The following FSIP2 variants were observed in gnomAD, a reference collection of about 807,000 sequenced individuals.
FSIP2 encodes fibrous sheath-interacting protein 2.
A neutral mutation model predicts 510.5 loss-of-function variants in FSIP2; 367 were observed. The ratio of observed to expected loss-of-function variants is 0.72; its 90% CI spans 0.66 to 0.78. The LOEUF is 0.78. Among genes scored for constraint, FSIP2 ranks in the 30% least tolerant of loss-of-function variants. The pLI is 0.00. For missense variants in FSIP2, 7,594 were observed against 7,901.7 expected (o/e 0.96, Z 1.48); for synonymous variants, 2,601 against 2,732.2 (o/e 0.95, Z 1.50).
chr2:185,770,331 GGTT>G (rs1368074736), intron 13 of FSIP2, among the ~76,000 whole-genome samples: 1 of 152,056 alleles, frequency 6.6e-6, no homozygotes, highest in Non-Finnish European at 1.5e-5. Context: ...TTCATTTTCT[GGTT>G]GTTGTGAATC....
At chr2:185,779,797 G>A (rs975103324) in intron 13 of FSIP2, among the ~76,000 whole-genome samples, 1 of 151,936 alleles carries the variant, frequency 6.6e-6, no homozygotes, top group African/African-American at 2.4e-5. Flanking sequence ...CTAAAGTACT[G>A]CATTCTTTAG....
At chr2:185,819,920 A>G (rs1360845324) in intron 19 of FSIP2, among the ~76,000 whole-genome samples, 1 of 151,932 alleles carries the variant, frequency 6.6e-6, no homozygotes, top group African/African-American at 2.4e-5. Flanking sequence ...ACCAAACATC[A>G]GAGCTCCAAA....
At position 185,792,330 on chromosome 2, in the gene FSIP2, T is replaced by C; in HGVS notation, c.5194T>C (p.Tyr1732His). 6.5e-7 allele frequency: 1 copy of C among 1,529,724 alleles called. No individual in the cohort carries two copies. The highest frequency in any genetic ancestry group is 8.7e-7 in the Non-Finnish European group (1 of 1,144,246). 94.8% of individuals were successfully genotyped at this position (1,529,724 alleles called of 1,614,324 possible). ...AGATTCATTTCTAGAAGATGATGCATATACAGCGAAAAAAATTATTGATGA... is the reference window on the plus strand; with the variant it reads ...AGATTCATTTCTAGAAGATGATGCACATACAGCGAAAAAAATTATTGATGA... ...ESDSFLEDDA[Y>H]TAKKIIDERS... The change falls in exon 16 of 23, where the codon TAT (tyrosine) becomes CAT (histidine). Residue 1732 changes from tyrosine to histidine, a missense_variant. Coordinates refer to ENST00000424728, the MANE Select transcript of FSIP2 (RefSeq NM_173651.4).
Position 185,813,591 on chromosome 2 carries a change from C to T in FSIP2, c.19874C>T (p.Thr6625Ile). ...CAGAATATAAGAAAGCCTGATATTA[C>T]AAAGGTGGAGCTCTTAAAAGATGTT... The part of the protein sequence containing the change: ...SFQNIRKPDI[T>I]KVELLKDVQS... The change falls in exon 18 of 23, where the codon ACA becomes ATA. Residue 6625 changes from threonine to isoleucine, a missense_variant. Transcript: ENST00000424728. The T allele has an allele frequency of 4.5e-6, 7 of 1,557,868 alleles. No homozygotes were observed. The highest frequency in any genetic ancestry group is 1.2e-5 in the South Asian group (1 of 82,578).
chr2:185,828,143 TTA>T lies in FSIP2; in HGVS notation c.20474-12_20474-11del. On this transcript the variant is annotated splice_polypyrimidine_tract_variant and intron_variant, in intron 20 of 22. Transcript: ENST00000424728. ...AAGAGACTATTTTACTTTTTTTTTT[TTA>T]ATCTCTACAGAAAGTTCTCAGGAAC... The T allele has an allele frequency of 6.6e-7, 1 of 1,516,476 alleles. No individual in the cohort carries two copies. 93.9% of individuals were successfully genotyped at this position (1,516,476 alleles called of 1,614,324 possible).
Position 185,789,047 on chromosome 2 carries a change from C to A in FSIP2, c.1911C>A (p.Tyr637Ter). The A allele has an allele frequency of 6.5e-7, 1 of 1,534,122 alleles. No individual in the cohort carries two copies. Among genetic ancestry groups the A allele is most frequent in the Non-Finnish European group, 8.7e-7 (1 of 1,145,410 alleles). ...KYNKTNLLYSYPKLRSCKSDS... is the reference protein window; with the variant it reads ...KYNKTNLLYS ...ATAAAACCAACTTGCTATATTCATA[C>A]CCTAAGCTCAGAAGTTGTAAATCAG... The change falls in exon 16 of 23, where the codon TAC becomes TAA. Residue 637 changes from tyrosine to a stop codon, truncating the protein, a stop_gained. Coordinates refer to ENST00000424728, the MANE Select transcript of FSIP2 (RefSeq NM_173651.4). LOFTEE classifies it high-confidence loss of function.
intron 17 of FSIP2, among the ~76,000 whole-genome samples, chr2:185,812,836 T>C (rs1266318286): frequency 6.6e-6 from 1 of 152,114 alleles, no homozygotes; most frequent in Non-Finnish European, 1.5e-5. Flanking sequence ...GTTTATGATA[T>C]TACAAAGGGA....
At chr2:185,782,568 A>ACTT in intron 13 of FSIP2, 137 bp from the exon 14 acceptor site, 1 of 631,788 alleles carries the variant, frequency 1.6e-6, no homozygotes, top group African/African-American at 1.8e-5. Context: ...AGGACTTTGG[A>ACTT]CTTCACTGTG....
rs1165805538 is a variant in FSIP2, at chr2:185,789,907, G to A, written c.2771G>A (p.Arg924Lys). The A allele has an allele frequency of 2.0e-6, 3 of 1,532,384 alleles. No homozygotes were observed. Among genetic ancestry groups the A allele is most frequent in the Non-Finnish European group, 1.7e-6 (2 of 1,144,006 alleles). The allele number at this position is 1,532,384 out of a possible 1,614,324, so 94.9% of individuals were successfully genotyped here. The stretch of plus-strand genomic sequence containing the variant: ...ATACAAACTGAACTAAATAATGAGA[G>A]AATTATTGCATCTGAAGAAACCGTA... ...GYIQTELNNE[R>K]IIASEETVVL... Residue 924 changes from arginine to lysine, a missense_variant, in exon 16 of 23, where the codon AGA becomes AAA. Transcript: ENST00000424728.
chr2:185,764,312 AC>A (rs1362034875), intron 12 of FSIP2, among the ~76,000 whole-genome samples, 189 bp from the exon 13 acceptor site: 1 of 151,788 alleles, frequency 6.6e-6, no homozygotes, highest in East Asian at 1.9e-4. Context: ...ACAACTATGA[AC>A]TTTGAATTCT....
chr2:185,828,523 A>C (rs997888089), intron 21 of FSIP2, among the ~76,000 whole-genome samples: 1 of 151,844 alleles, frequency 6.6e-6, no homozygotes, highest in African/African-American at 2.4e-5. Flanking sequence ...CACTAGAGGG[A>C]GTGAATTACT....
At chr2:185,757,732 T>C (rs1316567803) in intron 9 of FSIP2, among the ~76,000 whole-genome samples, 1 of 151,332 alleles carries the variant, frequency 6.6e-6, no homozygotes, top group Non-Finnish European at 1.5e-5. Flanking sequence ...AATTTCCTGC[T>C]CCAGCTTCTT....
Position 185,815,399 on chromosome 2 carries a change from C to T in FSIP2, c.20354C>T (p.Pro6785Leu). Residue 6785 changes from proline to leucine, a missense_variant, in exon 19 of 23, where the codon CCA becomes CTA. Coordinates refer to ENST00000424728, the MANE Select transcript of FSIP2 (RefSeq NM_173651.4). ...KKEEKNLVTE[P>L]THYFIHRIMS... Reference sequence around the variant, plus strand: ...GAAGAAAAGAATCTTGTTACTGAACCAACACATTACTTCATACACAGAATT... The same window carrying T: ...GAAGAAAAGAATCTTGTTACTGAACTAACACATTACTTCATACACAGAATT... The T allele has an allele frequency of 6.6e-7, 1 of 1,522,118 alleles. No homozygotes were observed. Among genetic ancestry groups the T allele is most frequent in the Non-Finnish European group, 9.0e-7 (1 of 1,109,566 alleles). 94.3% of individuals were successfully genotyped at this position (1,522,118 alleles called of 1,614,324 possible). A position where few individuals can be genotyped will look rare whatever the true frequency, so the allele number is the denominator to read the frequency against.
At position 185,828,168 on chromosome 2, in the gene FSIP2, A is replaced by T. The variant is rs1227270196; in HGVS notation, c.20486A>T (p.Glu6829Val). 6.3e-7 allele frequency: 1 copy of T among 1,581,306 alleles called. No individual in the cohort carries two copies. The highest frequency in any genetic ancestry group is 8.7e-7 in the Non-Finnish European group (1 of 1,151,750). The change falls in exon 21 of 23, where the codon GAA (glutamate) becomes GTA (valine). Residue 6829 changes from glutamate (E) to valine (V), a missense_variant. Transcript: ENST00000424728. The part of the protein sequence containing the change: ...SAKILEESSQ[E>V]QKPEHGNSVK... Reference sequence around the variant, plus strand: ...TTAATCTCTACAGAAAGTTCTCAGGAACAAAAGCCAGAGCATGGAAACAGT... The same window carrying T: ...TTAATCTCTACAGAAAGTTCTCAGGTACAAAAGCCAGAGCATGGAAACAGT...
intron 7 of FSIP2, among the ~76,000 whole-genome samples, chr2:185,751,405 C>T (rs777599041): frequency 4.7e-5 from 7 of 149,212 alleles, no homozygotes; most frequent in Admixed American, 6.7e-5. Flanking sequence ...ACTGTTAGCA[C>T]GGCATATTAT....
At chr2:185,831,043 G>C (rs1014826076) in intron 21 of FSIP2, among the ~76,000 whole-genome samples, 3 of 151,822 alleles carry the variant, frequency 2.0e-5, no homozygotes, top group African/African-American at 7.3e-5. Context: ...TCTTCTTGGA[G>C]GAACTATGGT....
At chr2:185,825,925 A>G (rs1434144534) in intron 20 of FSIP2, among the ~76,000 whole-genome samples, 1 of 151,800 alleles carries the variant, frequency 6.6e-6, no homozygotes, top group Non-Finnish European at 1.5e-5. Context: ...GTTTTGGTCA[A>G]TGATGGACCA....
In FSIP2 at chr2:185,803,134, A is replaced by C. The variant is rs187035619; in HGVS notation, c.13828A>C (p.Arg4610=). ...AGACACATATTTTGATGATGAGAGA[A>C]GGCAGTTATTTTATACCAGTGTTTA... ...SSDTYFDDER[R]QLFYTSVYSS... The change falls in exon 17 of 23, where the codon AGG becomes CGG. Residue 4610 remains arginine (R), a synonymous_variant. Coordinates refer to ENST00000424728, the MANE Select transcript of FSIP2 (RefSeq NM_173651.4). 250 of 1,523,338 alleles carry C rather than the reference A, an allele frequency of 1.6e-4. No individual in the cohort carries two copies. In the Admixed American group the frequency reaches 1.8e-3, roughly 11 times the overall value. 94.4% of individuals were successfully genotyped at this position (1,523,338 alleles called of 1,614,324 possible).
At chr2:185,786,951 T>G (rs914316061) in intron 15 of FSIP2, among the ~76,000 whole-genome samples, 9 of 151,842 alleles carry the variant, frequency 5.9e-5, no homozygotes, top group Non-Finnish European at 1.3e-4. Context: ...AAAACTAGGA[T>G]TCTATCTATC....
Sources: allele counts gnomAD v4.1 joint callset (sites outside exome capture counted in the v4.1 genomes callset), GRCh38; gene constraint gnomAD v4.1.1; transcripts MANE v1.5; gene names NCBI Gene and HGNC (gene_info 2026-07-23, HGNC 2026-07-21).